The following NEK11 variants were observed in gnomAD, a reference collection of about 807,000 sequenced individuals.
NEK11 encodes NIMA related kinase 11, also known as serine/threonine-protein kinase Nek11.
In NEK11, 72 loss-of-function variants were observed where a neutral mutation model predicts 80.7. The ratio of observed to expected loss-of-function variants is 0.89; its 90% CI spans 0.74 to 1.08. The LOEUF (loss-of-function observed/expected upper bound fraction) is 1.08, where lower values mean the gene tolerates loss of function less well. NEK11 is among the 50% of genes least tolerant of loss of function. The pLI is 0.00. For missense variants in NEK11, 764 were observed against 763.6 expected (o/e 1.00, Z -0.01); for synonymous variants, 251 against 260.7 (o/e 0.96, Z 0.36).
intron 16 of NEK11, among the ~76,000 whole-genome samples, chr3:131,248,489 C>A (rs1243194545): frequency 6.6e-6 from 1 of 152,000 alleles, no homozygotes; most frequent in African/African-American, 2.4e-5. Context: ...ATGCTTGGGG[C>A]ACTTCCTGGA....
intron 5 of NEK11, among the ~76,000 whole-genome samples, chr3:131,126,959 C>CTTTTTTTTTTTTTTTTTTTTTTTTTT (rs71133688): frequency 1.1e-5 from 1 of 90,118 alleles, no homozygotes; most frequent in Non-Finnish European, 2.1e-5. Flanking sequence ...TTCTTTCTTT[C>CTTTTTTTTTTTTTTTTTTTTTTTTTT]TTTTTTTTTT....
chr3:131,220,692 C>T (rs1053357035), intron 14 of NEK11, among the ~76,000 whole-genome samples: 1 of 152,172 alleles, frequency 6.6e-6, no homozygotes, highest in Non-Finnish European at 1.5e-5. Context: ...CTCCCACCAC[C>T]CACCCTCTGT....
chr3:131,165,503 G>T lies in NEK11; in HGVS notation c.1160G>T (p.Ser387Ile), dbSNP rs1560740263. Reference protein sequence around the residue: ...ELRSRNFQQLSVDVLHEKTHL... With the variant: ...ELRSRNFQQLIVDVLHEKTHL... The stretch of plus-strand genomic sequence containing the variant: ...AGATCTCGGAACTTTCAGCAGCTGA[G>T]TGTTGATGTACTCCATGTAAGTACC... The change falls in exon 12 of 18, where the codon AGT (serine) becomes ATT (isoleucine). Residue 387 changes from serine (S) to isoleucine (I), a missense_variant. Coordinates refer to ENST00000383366, the MANE Select transcript of NEK11 (RefSeq NM_024800.5). The T allele has an allele frequency of 1.9e-6, 3 of 1,609,646 alleles. No individual in the cohort carries two copies. Among genetic ancestry groups the T allele is most frequent in the Non-Finnish European group, 2.6e-6 (3 of 1,176,016 alleles).
intron 17 of NEK11, among the ~76,000 whole-genome samples, chr3:131,333,046 G>C (rs2097120360): frequency 6.6e-6 from 1 of 152,184 alleles, no homozygotes; most frequent in South Asian, 2.1e-4. Flanking sequence ...ACACTCTGCA[G>C]GATATTATCC....
intron 17 of NEK11, among the ~76,000 whole-genome samples, chr3:131,332,590 A>G (rs895712557): frequency 1.2e-4 from 19 of 152,252 alleles, no homozygotes; most frequent in Non-Finnish European, 2.8e-4. Context: ...GCAGTTCCTC[A>G]CCAGCAACGG....
At chr3:131,186,365 A>C (rs555231758) in intron 14 of NEK11, among the ~76,000 whole-genome samples, 88 of 152,286 alleles carry the variant, frequency 5.8e-4, no homozygotes, top group Non-Finnish European at 2.4e-4. Flanking sequence ...CTTAGTACCA[A>C]AATAAATTAT....
At chr3:131,328,051 G>A (rs1008668010) in intron 17 of NEK11, among the ~76,000 whole-genome samples, 2 of 152,116 alleles carry the variant, frequency 1.3e-5, no homozygotes, top group African/African-American at 4.8e-5. Context: ...TGGGGGGCCA[G>A]CATGAGAAGA....
At chr3:131,217,079 A>T (rs559785157) in intron 14 of NEK11, among the ~76,000 whole-genome samples, 3 of 152,290 alleles carry the variant, frequency 2.0e-5, no homozygotes, top group South Asian at 2.1e-4. Flanking sequence ...GTCACCGGGA[A>T]CTAGGACACC....
At chr3:131,207,037 G>A (rs1238329255) in intron 14 of NEK11, among the ~76,000 whole-genome samples, 1 of 152,170 alleles carries the variant, frequency 6.6e-6, no homozygotes, top group Non-Finnish European at 1.5e-5. Flanking sequence ...TGGTGTATAT[G>A]TGCCACATTT....
intron 14 of NEK11, among the ~76,000 whole-genome samples, chr3:131,177,386 G>A (rs1488786972): frequency 6.6e-6 from 1 of 152,126 alleles, no homozygotes; most frequent in Admixed American, 6.6e-5. Flanking sequence ...ACATGTATTT[G>A]ATATAACACA....
At chr3:131,089,513 A>G (rs907484677) in intron 4 of NEK11, among the ~76,000 whole-genome samples, 1 of 152,158 alleles carries the variant, frequency 6.6e-6, no homozygotes, top group Non-Finnish European at 1.5e-5. Flanking sequence ...ATCTTGGCTC[A>G]CTGTAACCTC....
At chr3:131,259,532 G>A (rs971614833) in intron 16 of NEK11, among the ~76,000 whole-genome samples, 5 of 152,150 alleles carry the variant, frequency 3.3e-5, no homozygotes, top group Admixed American at 2.6e-4. Flanking sequence ...TGAGTAGGCA[G>A]GACTTTTATG....
At chr3:131,127,720 A>G (rs907085766) in intron 5 of NEK11, among the ~76,000 whole-genome samples, 2 of 152,094 alleles carry the variant, frequency 1.3e-5, no homozygotes, top group African/African-American at 4.8e-5. Flanking sequence ...TGAACAATAT[A>G]TGTGAAATAT....
chr3:131,108,445 G>C (rs79921599), intron 4 of NEK11, among the ~76,000 whole-genome samples: 1 of 152,146 alleles, frequency 6.6e-6, no homozygotes, highest in African/African-American at 2.4e-5. Flanking sequence ...ACTAAACACA[G>C]TTAACATTGA....
chr3:131,333,238 A>G (rs1330145574), intron 17 of NEK11, among the ~76,000 whole-genome samples: 1 of 152,222 alleles, frequency 6.6e-6, no homozygotes, highest in East Asian at 1.9e-4. Flanking sequence ...TTACCCACAA[A>G]GGGAAGCCCA....
At chr3:131,139,540 A>T (rs1201457850) in intron 7 of NEK11, among the ~76,000 whole-genome samples, 1 of 152,142 alleles carries the variant, frequency 6.6e-6, no homozygotes, top group East Asian at 1.9e-4. Context: ...AAGTATAAGA[A>T]GGTTATAGAA....
intron 17 of NEK11, among the ~76,000 whole-genome samples, chr3:131,340,990 G>C (rs1294147710): frequency 6.6e-6 from 1 of 152,112 alleles, no homozygotes; most frequent in Non-Finnish European, 1.5e-5. Context: ...TAAAGGAATA[G>C]TTCCTGCCAC....
intron 14 of NEK11, among the ~76,000 whole-genome samples, chr3:131,179,423 G>T (rs754914506): frequency 7.9e-5 from 12 of 152,190 alleles, no homozygotes; most frequent in Non-Finnish European, 1.8e-4. Flanking sequence ...GAAGTAAGGA[G>T]TTGCACAACT....
At chr3:131,296,854 TC>T (rs1166018536) in intron 17 of NEK11, among the ~76,000 whole-genome samples, 1 of 151,822 alleles carries the variant, frequency 6.6e-6, no homozygotes, top group East Asian at 1.9e-4. Context: ...ATGTTCCACT[TC>T]CTGTGTCCAT....
Sources: gnomAD v4.1 joint callset for allele counts (sites outside exome capture counted in the v4.1 genomes callset) on GRCh38, gnomAD v4.1.1 for gene constraint, MANE v1.5 for transcripts, NCBI Gene and HGNC (gene_info 2026-07-23, HGNC 2026-07-21) for gene names.